CCR3: variants seen among roughly 807,000 people sequenced by gnomAD.
CCR3 encodes the protein C-C chemokine receptor type 3.
For missense variants in CCR3, 419 were observed against 437.5 expected, an observed-to-expected ratio of 0.96 and a Z score of 0.38; for synonymous variants, 203 against 179.2, an observed-to-expected ratio of 1.13 and a Z score of -1.06.
At chr3:46,254,530 G>T (rs531536077) in intron 1 of CCR3, among the ~76,000 whole-genome samples, 1 of 152,178 alleles carries the variant, frequency 6.6e-6, no homozygotes, top group East Asian at 1.9e-4. Flanking sequence ...GGTGGTGTTT[G>T]TTATATGAAT....
chr3:46,212,841 C>A (rs892546179), intron 2 of CCR3, among the ~76,000 whole-genome samples: 1 of 152,176 alleles, frequency 6.6e-6, no homozygotes, highest in Non-Finnish European at 1.5e-5. Flanking sequence ...CTCCCTGAAG[C>A]CTTCCCATCC....
intron 2 of CCR3, among the ~76,000 whole-genome samples, chr3:46,230,826 C>T (rs1258553045): frequency 6.6e-6 from 1 of 152,186 alleles, no homozygotes; most frequent in Non-Finnish European, 1.5e-5. Context: ...TCCACACTGG[C>T]CCTCTGATCT....
rs954354720 is a variant in CCR3 at position 46,214,547 on chromosome 3, C to T, written c.-68+3640C>T. On this transcript the variant is annotated intron_variant, in intron 2 of 3. Coordinates refer to the CCR3 transcript ENST00000357422. ...TTCTGCTCTGACATGTTCAGACCACCTCTGCTCAGGGATGTGGCTGCTGGG... is the reference window on the plus strand; with the variant it reads ...TTCTGCTCTGACATGTTCAGACCACTTCTGCTCAGGGATGTGGCTGCTGGG... 5.9e-5 allele frequency among the ~76,000 whole-genome samples: 9 copies of T among 152,290 alleles called. 1 individual carries two copies. The South Asian group carries it at 1.9e-3, about 32-fold the overall frequency.
Position 46,265,541 on chromosome 3 carries a change from C to T in CCR3, c.383C>T (p.Thr128Ile), listed in dbSNP as rs776923069. Residue 128 changes from threonine to isoleucine, a missense_variant, in exon 2 of 2, where the codon ACA becomes ATA. Physicochemically the swap from Thr to Ile is moderately conservative, Grantham distance 89 (BLOSUM62 -1). Transcript: ENST00000395940. Reference sequence around the variant, plus strand: ...GAGATCTTTTTCATAATCCTGCTGACAATCGACAGGTACCTGGCCATTGTC... The same window carrying T: ...GAGATCTTTTTCATAATCCTGCTGATAATCGACAGGTACCTGGCCATTGTC... ...YSEIFFIILLTIDRYLAIVHA... is the reference protein window; with the variant it reads ...YSEIFFIILLIIDRYLAIVHA... 2.5e-6 allele frequency: 4 copies of T among 1,614,120 alleles called. No homozygotes were observed. Among genetic ancestry groups the T allele is most frequent in the African/African-American group, 1.3e-5 (1 of 75,022 alleles).
chr3:46,245,066 C>T (rs1038664710), intron 1 of CCR3, among the ~76,000 whole-genome samples: 4 of 152,050 alleles, frequency 2.6e-5, no homozygotes, highest in East Asian at 1.9e-4. Flanking sequence ...ATGAACTGAC[C>T]GCACTCAGAC....
At chr3:46,243,641 C>T (rs1700138919) in intron 1 of CCR3, among the ~76,000 whole-genome samples, 1 of 152,146 alleles carries the variant, frequency 6.6e-6, no homozygotes, top group South Asian at 2.1e-4. Context: ...GGGTCTTCCA[C>T]ATGGATGTGG....
intron 1 of CCR3, among the ~76,000 whole-genome samples, chr3:46,261,547 G>A (rs895490191): frequency 6.6e-6 from 1 of 152,210 alleles, no homozygotes; most frequent in African/African-American, 2.4e-5. Context: ...AAGAGACACA[G>A]TGGTTATGAA....
chr3:46,252,336 C>T (rs1700330456), intron 1 of CCR3, among the ~76,000 whole-genome samples: 1 of 149,832 alleles, frequency 6.7e-6, no homozygotes, highest in Non-Finnish European at 1.5e-5. Flanking sequence ...CCACTACTGC[C>T]CAGCTAATTT....
At chr3:46,232,712 T>G (rs1699979702) in intron 2 of CCR3, among the ~76,000 whole-genome samples, 1 of 152,214 alleles carries the variant, frequency 6.6e-6, no homozygotes, top group South Asian at 2.1e-4. Context: ...AGATCAATGC[T>G]AGACTCTTGT....
At position 46,250,614 on chromosome 3, in the gene CCR3, G is replaced by A. The variant is rs918859351; in HGVS notation, c.-12+8076G>A. Among the ~76,000 whole-genome samples, 5 of 152,298 alleles carry A rather than the reference G, an allele frequency of 3.3e-5. No homozygotes were observed. In the East Asian group the frequency reaches 5.8e-4, roughly 18 times the overall value. ...TCTGGCCATTTAGAGCCATTGTCAA[G>A]TTTGTATTGGAGCCAAGCAGTGTTG... On this transcript the variant is annotated intron_variant, in intron 1 of 1. Coordinates refer to ENST00000395940, the MANE Select transcript of CCR3 (RefSeq NM_178329.3).
chr3:46,257,390 C>A (rs1236280397), intron 1 of CCR3, among the ~76,000 whole-genome samples: 3 of 149,574 alleles, frequency 2.0e-5, no homozygotes, highest in African/African-American at 7.4e-5. Flanking sequence ...TTATCTTTCA[C>A]CATTAAAGTA....
intron 1 of CCR3, among the ~76,000 whole-genome samples, chr3:46,242,963 G>GTATATATATATGTATACACATA (rs1553644052): frequency 2.0e-4 from 17 of 86,290 alleles, no homozygotes; most frequent in African/African-American, 7.1e-4. Context: ...ATATATATGT[G>GTATATATATATGTATACACATA]TATATATATA....
intron 2 of CCR3, among the ~76,000 whole-genome samples, chr3:46,219,503 C>A (rs1187629120): frequency 4.0e-5 from 6 of 151,878 alleles, no homozygotes; most frequent in African/African-American, 1.5e-4. Flanking sequence ...CATATGGAAC[C>A]AAAAAAGAGC....
At chr3:46,213,744 C>T (rs1170908390) in intron 2 of CCR3, among the ~76,000 whole-genome samples, 2 of 152,202 alleles carry the variant, frequency 1.3e-5, no homozygotes, top group African/African-American at 4.8e-5. Flanking sequence ...CTGACCACCA[C>T]CTCCTACATT....
intron 2 of CCR3, among the ~76,000 whole-genome samples, chr3:46,233,060 T>A (rs1333956101): frequency 6.6e-6 from 1 of 152,252 alleles, no homozygotes; most frequent in Non-Finnish European, 1.5e-5. Context: ...CTCGAACTCC[T>A]GACCTCGTGA....
At chr3:46,260,527 T>C (rs1700504079) in intron 1 of CCR3, among the ~76,000 whole-genome samples, 1 of 152,210 alleles carries the variant, frequency 6.6e-6, no homozygotes, top group Admixed American at 6.5e-5. Flanking sequence ...ACAGGCCCCA[T>C]GCAAATTCAA....
At chr3:46,264,316 T>A in intron 1 of CCR3, 1 of 926,174 alleles carries the variant, frequency 1.1e-6, no homozygotes, top group Non-Finnish European at 1.7e-6. Flanking sequence ...TGCTTATAAT[T>A]GTAATTATTG....
chr3:46,246,040 C>T (rs923757192), intron 1 of CCR3, among the ~76,000 whole-genome samples: 1 of 152,202 alleles, frequency 6.6e-6, no homozygotes, highest in African/African-American at 2.4e-5. Flanking sequence ...TGTTTTGGGA[C>T]TGTTATCATC....
intron 2 of CCR3, among the ~76,000 whole-genome samples, chr3:46,211,399 T>G (rs6789792): frequency 7.9e-6 from 1 of 126,302 alleles, no homozygotes; most frequent in African/African-American, 2.8e-5. Context: ...ATATATATAT[T>G]TTTTGTAGAA....
Sources: allele counts gnomAD v4.1 joint callset (sites outside exome capture counted in the v4.1 genomes callset), GRCh38; gene constraint gnomAD v4.1.1; transcripts MANE v1.5; gene names NCBI Gene and HGNC (gene_info 2026-07-23, HGNC 2026-07-21).